The following GRID2 variants were observed in gnomAD, a reference collection of about 807,000 sequenced individuals.
The protein encoded by GRID2 is glutamate ionotropic receptor delta type subunit 2.
Under a neutral mutation model 114.8 loss-of-function variants are expected in GRID2, and 33 were observed. The observed-to-expected ratio is 0.29, with a 90% CI of 0.22 to 0.38. GRID2 has a LOEUF of 0.38. Ranked by LOEUF, GRID2 falls within the 10% of genes least tolerant of loss-of-function variation. The probability of loss-of-function intolerance (pLI) is 1.00; values close to 1 mark genes in which losing one functional copy is unlikely to be tolerated. For synonymous variants in GRID2, 505 were observed against 449.9 expected (o/e 1.12, Z -1.55); for missense variants, 1,184 against 1,257.7 (o/e 0.94, Z 0.89).
At chr4:93,478,303 T>A (rs1186156670) in intron 11 of GRID2, among the ~76,000 whole-genome samples, 1 of 152,182 alleles carries the variant, frequency 6.6e-6, no homozygotes, top group Admixed American at 6.6e-5. Context: ...CCAGCACCCG[T>A]TTAATTTGAT....
intron 14 of GRID2, among the ~76,000 whole-genome samples, chr4:93,627,037 A>G (rs1742793401): frequency 6.6e-6 from 1 of 152,190 alleles, no homozygotes. Context: ...GTTGTTTACA[A>G]TGGAAGATTT....
At chr4:93,264,845 C>A (rs150752352) in intron 8 of GRID2, among the ~76,000 whole-genome samples, 1 of 150,418 alleles carries the variant, frequency 6.6e-6, no homozygotes, top group South Asian at 2.1e-4. Flanking sequence ...TGCAGTGGCA[C>A]AATCTCAGCT....
chr4:92,919,758 T>A (rs533156528), intron 2 of GRID2, among the ~76,000 whole-genome samples: 13 of 152,160 alleles, frequency 8.5e-5, no homozygotes, highest in South Asian at 8.3e-4. Context: ...TGCTGAGGAG[T>A]GCTTTACTTC....
rs530464232 is a variant in GRID2, at chr4:93,681,782, A to G, written c.2360+55347A>G. Among the ~76,000 whole-genome samples the G allele has an allele frequency of 4.7e-4, 72 of 152,356 alleles. No individual in the cohort carries two copies. In the Middle Eastern group the frequency reaches 0.014, roughly 29 times the overall value. On this transcript the variant is annotated intron_variant, in intron 14 of 15. Coordinates refer to ENST00000282020, the MANE Select transcript of GRID2 (RefSeq NM_001510.4). The stretch of plus-strand genomic sequence containing the variant: ...TACGTCTTATACAAAAATTAATTCA[A>G]GTTGGATTAAAGACTTACATGTTAG...
chr4:92,819,131 T>C (rs1203539760), intron 2 of GRID2, among the ~76,000 whole-genome samples: 1 of 151,872 alleles, frequency 6.6e-6, no homozygotes, highest in Non-Finnish European at 1.5e-5. Context: ...CATGAGCAAA[T>C]GTTACGGCAA....
At chr4:92,970,587 A>G (rs1217428446) in intron 2 of GRID2, among the ~76,000 whole-genome samples, 1 of 152,008 alleles carries the variant, frequency 6.6e-6, no homozygotes, top group Non-Finnish European at 1.5e-5. Context: ...AAATTCTGAG[A>G]GCACATATCT....
chr4:93,503,847 A>G (rs1386107611), intron 12 of GRID2, among the ~76,000 whole-genome samples: 1 of 152,112 alleles, frequency 6.6e-6, no homozygotes, highest in East Asian at 1.9e-4. Context: ...AAAAATATTT[A>G]TTTTGAGAAA....
At chr4:93,365,560 C>T (rs778937024) in intron 8 of GRID2, among the ~76,000 whole-genome samples, 5 of 152,168 alleles carry the variant, frequency 3.3e-5, no homozygotes, top group Non-Finnish European at 5.9e-5. Flanking sequence ...TCATCTCACC[C>T]TCTCTACTTC....
chr4:92,518,404 G>A (rs1023979468), intron 1 of GRID2, among the ~76,000 whole-genome samples: 4 of 151,862 alleles, frequency 2.6e-5, no homozygotes, highest in Admixed American at 2.6e-4. Flanking sequence ...ATTTGGTTGA[G>A]CACTGAAGCT....
rs147176289 is a variant in GRID2, at chr4:93,739,494, A to G, written c.2361-29716A>G. ...TGGCCCACTGGATATAAAAATTCCT[A>G]AAGGGGAGAAAAAACATGGGATTAT... On this transcript the variant is annotated intron_variant, in intron 14 of 15. Coordinates refer to ENST00000282020, the MANE Select transcript of GRID2 (RefSeq NM_001510.4). 2.7e-3 allele frequency among the ~76,000 whole-genome samples: 411 copies of G among 152,222 alleles called. 5 individuals carry two copies. The highest frequency in any genetic ancestry group is 9.3e-3 in the African/African-American group (385 of 41,548).
At chr4:92,675,154 A>G (rs1018487394) in intron 2 of GRID2, among the ~76,000 whole-genome samples, 1 of 152,138 alleles carries the variant, frequency 6.6e-6, no homozygotes, top group Non-Finnish European at 1.5e-5. Context: ...TTAGAGCACT[A>G]TTACTATATA....
chr4:92,791,286 T>C (rs945048397), intron 2 of GRID2, among the ~76,000 whole-genome samples: 3 of 151,764 alleles, frequency 2.0e-5, no homozygotes, highest in Non-Finnish European at 4.4e-5. Context: ...CAGTATCACA[T>C]TAACAAACAA....
intron 1 of GRID2, among the ~76,000 whole-genome samples, chr4:92,579,505 C>T (rs1413309436): frequency 6.6e-6 from 1 of 151,868 alleles, no homozygotes; most frequent in Non-Finnish European, 1.5e-5. Flanking sequence ...TATTTTTTCT[C>T]AAGAATGGAC....
At chr4:92,792,828 C>T (rs768435041) in intron 2 of GRID2, among the ~76,000 whole-genome samples, 8 of 150,382 alleles carry the variant, frequency 5.3e-5, no homozygotes, top group African/African-American at 2.4e-5. Flanking sequence ...TGCCAGTCTA[C>T]GATCTGTAAA....
intron 9 of GRID2, among the ~76,000 whole-genome samples, chr4:93,407,257 A>G (rs781241414): frequency 6.6e-6 from 1 of 152,026 alleles, no homozygotes; most frequent in Non-Finnish European, 1.5e-5. Context: ...AAAGCATCCA[A>G]ATCTGGGGCT....
intron 1 of GRID2, among the ~76,000 whole-genome samples, chr4:92,412,727 G>A (rs1409013325): frequency 6.6e-6 from 1 of 152,054 alleles, no homozygotes; most frequent in Non-Finnish European, 1.5e-5. Flanking sequence ...CACATACCCT[G>A]TTGCACTTTA....
chr4:92,429,093 T>C (rs978101462), intron 1 of GRID2, among the ~76,000 whole-genome samples: 2 of 152,176 alleles, frequency 1.3e-5, no homozygotes, highest in African/African-American at 4.8e-5. Flanking sequence ...CTCCCACTTA[T>C]GAATGAGAAC....
At position 93,210,346 on chromosome 4, in the gene GRID2, G is replaced by A. The variant is rs531493144; in HGVS notation, c.789+2889G>A. Among the ~76,000 whole-genome samples, 15 of 152,000 alleles carry A rather than the reference G, an allele frequency of 9.9e-5. 1 individual carries two copies. The highest frequency in any genetic ancestry group is 5.8e-4 in the East Asian group (3 of 5,176). On this transcript the variant is annotated intron_variant, in intron 5 of 15. Coordinates refer to ENST00000282020, the MANE Select transcript of GRID2 (RefSeq NM_001510.4). ...CAATCATTTATTATTAAAGGAAAGC[G>A]TCCTTTCCCCATTGCTTATTGTTGT...
intron 13 of GRID2, among the ~76,000 whole-genome samples, chr4:93,614,928 C>T (rs543603504): frequency 7.9e-5 from 12 of 152,240 alleles, no homozygotes; most frequent in African/African-American, 2.4e-4. Flanking sequence ...CTTTCTTCTC[C>T]GATAATACTT....
Sources: allele counts gnomAD v4.1 joint callset (sites outside exome capture counted in the v4.1 genomes callset), GRCh38; gene constraint gnomAD v4.1.1; transcripts MANE v1.5; gene names NCBI Gene and HGNC (gene_info 2026-07-23, HGNC 2026-07-21).